The following PDE4D variants were observed in gnomAD, a reference collection of about 807,000 sequenced individuals.
PDE4D encodes the protein 3',5'-cyclic-AMP phosphodiesterase 4D.
A neutral mutation model predicts 87.4 loss-of-function variants in PDE4D; 24 were observed. The ratio of observed to expected loss-of-function variants is 0.27; its 90% CI spans 0.20 to 0.39. PDE4D has a LOEUF of 0.39. Ranked by LOEUF, PDE4D falls within the 10% of genes least tolerant of loss-of-function variation. PDE4D has a pLI of 1.00. For synonymous variants in PDE4D, 384 were observed against 383.2 expected (o/e 1.00, Z -0.02); for missense variants, 714 against 1,041.0 (o/e 0.69, Z 4.32).
intron 3 of PDE4D, among the ~76,000 whole-genome samples, chr5:59,952,332 C>T (rs991126114): frequency 1.3e-5 from 2 of 152,118 alleles, no homozygotes; most frequent in African/African-American, 4.8e-5. Flanking sequence ...AATGCAGCCC[C>T]TTTATATCCA....
At chr5:60,147,701 C>T (rs2149434542) in intron 2 of PDE4D, 2 of 447,558 alleles carry the variant, frequency 4.5e-6, no homozygotes, top group South Asian at 3.2e-5. Context: ...GCTGCTGCTA[C>T]TGCAAGTCTC....
intron 1 of PDE4D, among the ~76,000 whole-genome samples, chr5:59,616,969 G>A (rs923448328): frequency 1.0e-5 from 1 of 95,866 alleles, no homozygotes; most frequent in Non-Finnish European, 2.1e-5. Context: ...AAAGTATTAG[G>A]TAATAAGTGC....
intron 1 of PDE4D, among the ~76,000 whole-genome samples, chr5:60,190,011 T>G (rs1562201035): frequency 6.6e-6 from 1 of 152,206 alleles, no homozygotes; most frequent in Non-Finnish European, 1.5e-5. Flanking sequence ...ATTCCCTTGA[T>G]TAGATTCTCA....
intron 5 of PDE4D, among the ~76,000 whole-genome samples, chr5:59,106,992 T>C (rs1771692072): frequency 6.6e-6 from 1 of 152,186 alleles, no homozygotes; most frequent in Admixed American, 6.5e-5. Context: ...GAAATTATAA[T>C]TATTTAGAGC....
intron 1 of PDE4D, among the ~76,000 whole-genome samples, chr5:60,257,533 A>G (rs1316501280): frequency 6.6e-6 from 1 of 151,984 alleles, no homozygotes; most frequent in Non-Finnish European, 1.5e-5. Context: ...CCCTTAGCTT[A>G]TGATGTATCT....
intron 1 of PDE4D, among the ~76,000 whole-genome samples, chr5:60,378,351 C>T (rs1159924794): frequency 6.6e-6 from 1 of 152,072 alleles, no homozygotes; most frequent in African/African-American, 2.4e-5. Context: ...ACCAGGATTC[C>T]GAACATAAGG....
At chr5:60,265,076 G>A (rs1465777036) in intron 1 of PDE4D, among the ~76,000 whole-genome samples, 2 of 152,200 alleles carry the variant, frequency 1.3e-5, no homozygotes, top group African/African-American at 4.8e-5. Flanking sequence ...AAAGCTGAAT[G>A]CAGTGTCTTC....
rs1043412462 is a variant in PDE4D, at chr5:59,000,875, G to A, written c.922-7410C>T. The stretch of plus-strand genomic sequence containing the variant: ...GGCTAATTTTTGTATTTTTAGCAGA[G>A]ACGGGATTTCACCATGTTGGCCAGG... On this transcript the variant is annotated intron_variant, in intron 6 of 14. Transcript: ENST00000340635. Among the ~76,000 whole-genome samples, 5 of 151,966 alleles carry A rather than the reference G, an allele frequency of 3.3e-5. No homozygotes were observed. In the East Asian group the frequency reaches 9.7e-4, roughly 29 times the overall value.
chr5:59,650,910 G>GT (rs1362685493), intron 1 of PDE4D, among the ~76,000 whole-genome samples: 1 of 152,122 alleles, frequency 6.6e-6, no homozygotes, highest in Admixed American at 6.6e-5. Flanking sequence ...ATGTGTTGTA[G>GT]TTTTTATAAA....
chr5:59,461,275 T>C (rs1048416986), intron 1 of PDE4D, among the ~76,000 whole-genome samples: 3 of 152,106 alleles, frequency 2.0e-5, no homozygotes, highest in East Asian at 3.9e-4. Context: ...TAAATATGTA[T>C]ACAAAAACTC....
chr5:60,367,137 A>C (rs938642897), intron 1 of PDE4D, among the ~76,000 whole-genome samples: 3 of 152,184 alleles, frequency 2.0e-5, no homozygotes, highest in African/African-American at 4.8e-5. Context: ...ATTTACAAGA[A>C]GAATTTTTTG....
chr5:59,162,230 C>T (rs188478733), intron 5 of PDE4D, among the ~76,000 whole-genome samples: 1 of 152,246 alleles, frequency 6.6e-6, no homozygotes, highest in South Asian at 2.1e-4. Flanking sequence ...TCTCCCAACG[C>T]TGGGGCATAT....
chr5:59,110,126 C>A (rs924082084), intron 5 of PDE4D, among the ~76,000 whole-genome samples: 1 of 152,124 alleles, frequency 6.6e-6, no homozygotes. Context: ...CTAAACCTAC[C>A]CATAAGAGGG....
At chr5:59,541,831 C>T (rs1263834933) in intron 1 of PDE4D, among the ~76,000 whole-genome samples, 1 of 152,164 alleles carries the variant, frequency 6.6e-6, no homozygotes, top group African/African-American at 2.4e-5. Flanking sequence ...CAGGGTGGGA[C>T]CCATTATAAG....
At chr5:60,449,068 C>CA (rs773391938) in intron 1 of PDE4D, among the ~76,000 whole-genome samples, 4 of 131,112 alleles carry the variant, frequency 3.1e-5, no homozygotes, top group Non-Finnish European at 6.1e-5. Flanking sequence ...CCCAACTGCC[C>CA]GCGCACACAC....
intron 1 of PDE4D, among the ~76,000 whole-genome samples, chr5:60,447,512 G>A (rs564340001): frequency 6.6e-6 from 1 of 150,592 alleles, no homozygotes; most frequent in Non-Finnish European, 1.5e-5. Flanking sequence ...GAAAGCAACT[G>A]AATATAAAGT....
At chr5:59,126,817 G>C (rs1169425711) in intron 5 of PDE4D, among the ~76,000 whole-genome samples, 1 of 152,100 alleles carries the variant, frequency 6.6e-6, no homozygotes, top group African/African-American at 2.4e-5. Flanking sequence ...TTGGAAAGCT[G>C]CCCATTAATG....
chr5:58,991,997 T>C lies in PDE4D; in HGVS notation c.1023A>G (p.Gln341=). 6.4e-7 allele frequency: 1 copy of C among 1,553,792 alleles called. No individual in the cohort carries two copies. Residue 341 remains glutamine (Q), a synonymous_variant, in exon 8 of 15, where the codon CAA becomes CAG. Transcript: ENST00000340635. ...TTGGAGAAGGAATTTCCACTTCATGTTGCTTATCTTGAGAAATTTAGAAAA... is the reference window on the plus strand; with the variant it reads ...TTGGAGAAGGAATTTCCACTTCATGCTGCTTATCTTGAGAAATTTAGAAAA... ...EFISNTFLDK[Q]HEVEIPSPTQ...
intron 5 of PDE4D, among the ~76,000 whole-genome samples, chr5:59,149,706 G>GTTTGTTTTTT (rs1554081456): frequency 1.4e-5 from 1 of 69,262 alleles, no homozygotes; most frequent in Non-Finnish European, 2.6e-5. Flanking sequence ...CTCTCCTCGA[G>GTTTGTTTTTT]TTTTTTTTTT....
Sources: gnomAD v4.1 joint callset for allele counts (sites outside exome capture counted in the v4.1 genomes callset) on GRCh38, gnomAD v4.1.1 for gene constraint, MANE v1.5 for transcripts, NCBI Gene and HGNC (gene_info 2026-07-23, HGNC 2026-07-21) for gene names.